Variants in VTI1A observed in about 807,000 individuals in gnomAD.
VTI1A encodes the protein vesicle transport through interaction with t-SNAREs 1A.
A neutral mutation model predicts 34.9 loss-of-function variants in VTI1A; 22 were observed. The observed-to-expected ratio is 0.63, with a 90% CI of 0.45 to 0.90. The LOEUF is 0.90. Among genes scored for constraint, VTI1A ranks in the 40% least tolerant of loss-of-function variants. VTI1A has a pLI of 0.00. For missense variants in VTI1A, 268 were observed against 275.6 expected, an observed-to-expected ratio of 0.97 and a Z score of 0.20; for synonymous variants, 87 against 97.3, an observed-to-expected ratio of 0.89 and a Z score of 0.62.
rs540516790 is a variant in VTI1A at position 112,705,812 on chromosome 10, C to T, written c.560+36814C>T. On this transcript the variant is annotated intron_variant, in intron 7 of 7. Transcript: ENST00000393077. ...ATTCCAAGGAACCTTAACATTTGCC[C>T]ACCCACCTAAAGGTCACCAAGGAGG... is the stretch of plus-strand genomic sequence containing the variant. 2.7e-4 allele frequency among the ~76,000 whole-genome samples: 41 copies of T among 152,216 alleles called. No homozygotes were observed. In the South Asian group the frequency reaches 8.5e-3, roughly 32 times the overall value.
At chr10:112,721,214 A>T (rs181137285) in intron 7 of VTI1A, among the ~76,000 whole-genome samples, 1 of 152,344 alleles carries the variant, frequency 6.6e-6, no homozygotes, top group East Asian at 1.9e-4. Context: ...AGACAGCATC[A>T]GCACATTGCT....
At chr10:112,776,114 T>A (rs1851948902) in intron 7 of VTI1A, among the ~76,000 whole-genome samples, 1 of 152,224 alleles carries the variant, frequency 6.6e-6, no homozygotes, top group African/African-American at 2.4e-5. Flanking sequence ...TAAATAGAGC[T>A]GGAGCAACAA....
At chr10:112,831,654 C>G in the VTI1A span, 27 of 152,200 alleles carry the variant, frequency 1.8e-4, no homozygotes, top group Admixed American at 4.6e-4. Flanking sequence ...GTTCAAATTT[C>G]AAGGATTTTG....
At chr10:112,746,963 G>A (rs945810098) in intron 7 of VTI1A, among the ~76,000 whole-genome samples, 6 of 152,288 alleles carry the variant, frequency 3.9e-5, no homozygotes, top group Middle Eastern at 3.4e-3. Context: ...AGAACCCTCT[G>A]GGGCTATTTC....
At chr10:112,613,044 AATGTTAATACTT>A (rs1441588614) in intron 5 of VTI1A, among the ~76,000 whole-genome samples, 1 of 152,112 alleles carries the variant, frequency 6.6e-6, no homozygotes, top group African/African-American at 2.4e-5. Flanking sequence ...TAATTTTCTC[AATGTTAATACTT>A]ATTCAACAGA....
At chr10:112,558,523 A>G (rs1182535148) in intron 5 of VTI1A, among the ~76,000 whole-genome samples, 2 of 152,234 alleles carry the variant, frequency 1.3e-5, no homozygotes, top group African/African-American at 2.4e-5. Context: ...GCTATCATGA[A>G]TGAAGACTAT....
At chr10:112,644,718 G>C (rs1846705235) in intron 5 of VTI1A, among the ~76,000 whole-genome samples, 1 of 152,088 alleles carries the variant, frequency 6.6e-6, no homozygotes, top group African/African-American at 2.4e-5. Flanking sequence ...ATTTCTAACT[G>C]TTTTTTAAAC....
chr10:112,472,348 T>C (rs1031756617), intron 3 of VTI1A, among the ~76,000 whole-genome samples: 1 of 152,130 alleles, frequency 6.6e-6, no homozygotes, highest in Admixed American at 6.5e-5. Context: ...GTCTCAGCAG[T>C]GAGGCTGAAT....
intron 5 of VTI1A, among the ~76,000 whole-genome samples, chr10:112,618,512 TA>T (rs1845595216): frequency 2.6e-5 from 1 of 37,932 alleles, no homozygotes; most frequent in Non-Finnish European, 4.5e-5. Context: ...TATATATATA[TA>T]TATATATATA....
intron 7 of VTI1A, among the ~76,000 whole-genome samples, chr10:112,777,655 G>A (rs1038731522): frequency 2.0e-5 from 3 of 152,196 alleles, no homozygotes; most frequent in Non-Finnish European, 2.9e-5. Flanking sequence ...TCATCAGTCA[G>A]AGGCAAAACT....
At chr10:112,483,169 A>G (rs1030494466) in intron 3 of VTI1A, among the ~76,000 whole-genome samples, 9 of 152,166 alleles carry the variant, frequency 5.9e-5, no homozygotes, top group Non-Finnish European at 1.0e-4. Flanking sequence ...GATGCTTTTA[A>G]TGTCTTTTTT....
At chr10:112,710,500 C>G (rs2133919619) in intron 7 of VTI1A, among the ~76,000 whole-genome samples, 1 of 152,304 alleles carries the variant, frequency 6.6e-6, no homozygotes, top group East Asian at 1.9e-4. Context: ...AGCCACCACG[C>G]CCGGCTCAGT....
At chr10:112,656,269 A>G (rs1159060896) in intron 5 of VTI1A, among the ~76,000 whole-genome samples, 1 of 152,116 alleles carries the variant, frequency 6.6e-6, no homozygotes, top group Non-Finnish European at 1.5e-5. Flanking sequence ...GAGCTGTGGC[A>G]TGTATGGCAT....
intron 7 of VTI1A, among the ~76,000 whole-genome samples, chr10:112,694,304 A>C (rs1848706693): frequency 6.6e-6 from 1 of 151,984 alleles, no homozygotes; most frequent in African/African-American, 2.4e-5. Flanking sequence ...AAGGGACTGA[A>C]GCTTATTTTG....
At chr10:112,621,895 T>C (rs1845751141) in intron 5 of VTI1A, among the ~76,000 whole-genome samples, 1 of 152,188 alleles carries the variant, frequency 6.6e-6, no homozygotes, top group African/African-American at 2.4e-5. Flanking sequence ...TGCAAGGTAC[T>C]CTTAGTAGTT....
chr10:112,823,137 C>T (rs1410536270), downstream of VTI1A, among the ~76,000 whole-genome samples: 2 of 152,182 alleles, frequency 1.3e-5, no homozygotes, highest in African/African-American at 2.4e-5. Context: ...GTTCATTCCT[C>T]CTTGCAATCC....
In VTI1A at chr10:112,541,300, T is replaced by C. The variant is rs1055399470; in HGVS notation, c.427+2970T>C. 2.0e-5 allele frequency among the ~76,000 whole-genome samples: 3 copies of C among 152,178 alleles called. 1 individual carries two copies. In the South Asian group the frequency reaches 6.2e-4, roughly 32 times the overall value. On this transcript the variant is annotated intron_variant, in intron 5 of 7. Transcript: ENST00000393077. ...CATGTCATTAATCAGCTGTGTGACT[T>C]TGAGAAATCATTTAACCTCTCTGCA...
chr10:112,620,160 C>T (rs1211451266), intron 5 of VTI1A, among the ~76,000 whole-genome samples: 1 of 152,144 alleles, frequency 6.6e-6, no homozygotes, highest in East Asian at 1.9e-4. Flanking sequence ...TATTATTGGA[C>T]TTTAGTAGAA....
At chr10:112,694,952 GA>G in intron 7 of VTI1A, among the ~76,000 whole-genome samples, 1 of 152,258 alleles carries the variant, frequency 6.6e-6, no homozygotes, top group South Asian at 2.1e-4. Context: ...CCGGGTGACA[GA>G]GTGAGACTCT....
Sources: allele counts gnomAD v4.1 joint callset (sites outside exome capture counted in the v4.1 genomes callset), GRCh38; gene constraint gnomAD v4.1.1; transcripts MANE v1.5; gene names NCBI Gene and HGNC (gene_info 2026-07-23, HGNC 2026-07-21).